SPMAP2L: variants seen among roughly 807,000 people sequenced by gnomAD.
The protein encoded by SPMAP2L is sperm microtubule associated protein 2 like, also known as sperm microtubule associated protein 2-like.
chr4:56,596,231 T>C, the SPMAP2L span, among the ~76,000 whole-genome samples: 1 of 152,296 alleles, frequency 6.6e-6, no homozygotes, highest in South Asian at 2.1e-4. Flanking sequence ...TTATCTGCAT[T>C]TATTAGTATT....
the SPMAP2L span, among the ~76,000 whole-genome samples, chr4:56,584,774 G>C: frequency 6.6e-6 from 1 of 152,130 alleles, no homozygotes; most frequent in Non-Finnish European, 1.5e-5. Flanking sequence ...GTCAGGATTG[G>C]ATCAGAGAAG....
At chr4:56,599,229 C>G in the SPMAP2L span, among the ~76,000 whole-genome samples, 1 of 152,036 alleles carries the variant, frequency 6.6e-6, no homozygotes, top group Non-Finnish European at 1.5e-5. Context: ...CTCACCCAGG[C>G]TGGAGAGCAG....
chr4:56,615,564 T>C, the SPMAP2L span, among the ~76,000 whole-genome samples: 1 of 152,074 alleles, frequency 6.6e-6, no homozygotes, highest in South Asian at 2.1e-4. Context: ...CTGGTCAACA[T>C]GGCGAAACCC....
the SPMAP2L span, among the ~76,000 whole-genome samples, chr4:56,552,103 C>A: frequency 2.0e-5 from 3 of 152,176 alleles, no homozygotes; most frequent in African/African-American, 7.2e-5. Context: ...CAGAGTGAGG[C>A]ACAGAGGGGA....
chr4:56,608,677 G>A, the SPMAP2L span, among the ~76,000 whole-genome samples: 1 of 152,180 alleles, frequency 6.6e-6, no homozygotes, highest in African/African-American at 2.4e-5. Flanking sequence ...AGTTGGCAGA[G>A]AGTCCCCACT....
chr4:56,601,980 ATG>A, the SPMAP2L span, among the ~76,000 whole-genome samples: 16 of 152,220 alleles, frequency 1.1e-4, no homozygotes, highest in African/African-American at 3.6e-4. Context: ...GCTAGTAACA[ATG>A]GTTGCCTTTG....
At chr4:56,547,449 T>C in the SPMAP2L span, among the ~76,000 whole-genome samples, 1 of 152,188 alleles carries the variant, frequency 6.6e-6, no homozygotes, top group Non-Finnish European at 1.5e-5. Context: ...TTTCACCATC[T>C]TGGCTAGGCT....
chr4:56,550,312 T>TC, the SPMAP2L span, among the ~76,000 whole-genome samples: 1 of 152,016 alleles, frequency 6.6e-6, no homozygotes, highest in Non-Finnish European at 1.5e-5. Context: ...TCTAGATTTT[T>TC]CCCCCTTCCT....
At chr4:56,622,827 C>T in the SPMAP2L span, among the ~76,000 whole-genome samples, 1 of 152,292 alleles carries the variant, frequency 6.6e-6, no homozygotes, top group South Asian at 2.1e-4. Context: ...AAAAGCATGA[C>T]TTTATTCTCC....
the SPMAP2L span, among the ~76,000 whole-genome samples, chr4:56,570,832 C>G: frequency 6.6e-6 from 1 of 151,954 alleles, no homozygotes; most frequent in South Asian, 2.1e-4. Context: ...GAGACAGGCT[C>G]TTGCTCTTTC....
the SPMAP2L span, among the ~76,000 whole-genome samples, chr4:56,620,587 G>GT: frequency 6.6e-6 from 1 of 152,140 alleles, no homozygotes; most frequent in Non-Finnish European, 1.5e-5. Context: ...GTTTCTCCAT[G>GT]TTGGTCAGGC....
the SPMAP2L span, among the ~76,000 whole-genome samples, chr4:56,616,953 A>G: frequency 2.0e-5 from 3 of 152,212 alleles, no homozygotes; most frequent in African/African-American, 7.2e-5. Context: ...GGTATACAAT[A>G]TATTATTGCT....
At chr4:56,559,752 A>G in the SPMAP2L span, among the ~76,000 whole-genome samples, 1 of 152,064 alleles carries the variant, frequency 6.6e-6, no homozygotes, top group Non-Finnish European at 1.5e-5. Flanking sequence ...TATTTTTAGT[A>G]GAGACAGGGT....
the SPMAP2L span, among the ~76,000 whole-genome samples, chr4:56,546,020 C>T: frequency 6.6e-6 from 1 of 152,186 alleles, no homozygotes; most frequent in East Asian, 1.9e-4. Context: ...TCTTGAACTC[C>T]TGACCTCAGG....
chr4:56,530,651 G>A, the SPMAP2L span: 1 of 1,526,236 alleles, frequency 6.6e-7, no homozygotes, highest in Non-Finnish European at 8.8e-7. Flanking sequence ...GGTGAGTCCC[G>A]CGCGCGACAG....
chr4:56,580,488 G>A, the SPMAP2L span, among the ~76,000 whole-genome samples: 4 of 151,870 alleles, frequency 2.6e-5, no homozygotes, highest in Non-Finnish European at 5.9e-5. Context: ...CTTGGTAAAG[G>A]GAATCTACAA....
At chr4:56,562,817 A>G in the SPMAP2L span, among the ~76,000 whole-genome samples, 1 of 138,668 alleles carries the variant, frequency 7.2e-6, no homozygotes, top group Admixed American at 7.6e-5. Context: ...ATTTACATAT[A>G]TAGCCTGCTT....
At chr4:56,547,591 G>T in the SPMAP2L span, among the ~76,000 whole-genome samples, 4 of 152,156 alleles carry the variant, frequency 2.6e-5, no homozygotes, top group Non-Finnish European at 5.9e-5. Flanking sequence ...TCCTATCTGA[G>T]AAGGGAAAAC....
the SPMAP2L span, among the ~76,000 whole-genome samples, chr4:56,537,358 C>T: frequency 6.6e-6 from 1 of 152,204 alleles, no homozygotes; most frequent in Non-Finnish European, 1.5e-5. Context: ...TCTCTCTCTT[C>T]TCTGAGTCTG....
Sources: allele counts gnomAD v4.1 joint callset (sites outside exome capture counted in the v4.1 genomes callset), GRCh38; gene constraint gnomAD v4.1.1; transcripts MANE v1.5; gene names NCBI Gene and HGNC (gene_info 2026-07-23, HGNC 2026-07-21).